The following DACH1 variants were observed in gnomAD, a reference collection of about 807,000 sequenced individuals.
The protein encoded by DACH1 is dachshund homolog 1.
In DACH1, 12 loss-of-function variants were observed where a neutral mutation model predicts 54.2. That is an observed-to-expected ratio of 0.22 (90% CI 0.14 to 0.36). The LOEUF is 0.36. Ranked by LOEUF, DACH1 falls within the 10% of genes least tolerant of loss-of-function variation. DACH1 has a pLI of 1.00. For synonymous variants in DACH1, 386 were observed against 366.2 expected (o/e 1.05, Z -0.62); for missense variants, 805 against 929.8 (o/e 0.87, Z 1.75).
chr13:71,688,014 G>A (rs1302876945), intron 1 of DACH1, among the ~76,000 whole-genome samples: 1 of 152,162 alleles, frequency 6.6e-6, no homozygotes, highest in East Asian at 1.9e-4. Context: ...ATTAGTGCCT[G>A]AAGTTTGCCT....
At chr13:71,664,151 T>C (rs970862403) in intron 2 of DACH1, among the ~76,000 whole-genome samples, 6 of 151,976 alleles carry the variant, frequency 3.9e-5, no homozygotes, top group Non-Finnish European at 5.9e-5. Context: ...ACCACTAGAA[T>C]TGTTCCCTTC....
chr13:71,560,000 A>G (rs1884489402), intron 4 of DACH1, 45 bp from the exon 5 acceptor site: 1 of 1,444,970 alleles, frequency 6.9e-7, no homozygotes, highest in East Asian at 2.6e-5. Context: ...GATGTTAAAT[A>G]CAACGGATCT....
chr13:71,525,518 G>C (rs1279786928), intron 6 of DACH1, among the ~76,000 whole-genome samples: 7 of 151,998 alleles, frequency 4.6e-5, no homozygotes, highest in Admixed American at 4.6e-4. Flanking sequence ...AACAAATAAA[G>C]AGTATGTGTA....
intron 3 of DACH1, among the ~76,000 whole-genome samples, chr13:71,616,309 G>A (rs1432448433): frequency 1.3e-5 from 2 of 152,166 alleles, no homozygotes; most frequent in Non-Finnish European, 2.9e-5. Flanking sequence ...ATGAACAGCT[G>A]GAGGCATGAA....
At chr13:71,646,153 T>C (rs982727559) in intron 2 of DACH1, among the ~76,000 whole-genome samples, 7 of 151,956 alleles carry the variant, frequency 4.6e-5, no homozygotes, top group African/African-American at 7.3e-5. Context: ...CTGGCCAACA[T>C]GGTAAAAGTC....
intron 10 of DACH1, among the ~76,000 whole-genome samples, chr13:71,462,078 C>A (rs996101070): frequency 2.6e-5 from 4 of 151,800 alleles, no homozygotes; most frequent in Non-Finnish European, 4.4e-5. Context: ...AAAGTCAGAT[C>A]CAATAATTTG....
In DACH1 at chr13:71,475,128, T is replaced by C. The variant is rs751749747; in HGVS notation, c.2083+13A>G. ...AGCAAGATCTAGATTTATAGCCTTCTGCAAATTCCTACCTTGTATTGTCCT... is the reference window on the plus strand; with the variant it reads ...AGCAAGATCTAGATTTATAGCCTTCCGCAAATTCCTACCTTGTATTGTCCT... On this transcript the variant is annotated intron_variant, in intron 10 of 10. Transcript: ENST00000613252. 6.2e-7 allele frequency: 1 copy of C among 1,612,784 alleles called. No homozygotes were observed. Among genetic ancestry groups the C allele is most frequent in the Non-Finnish European group, 8.5e-7 (1 of 1,178,910 alleles).
intron 1 of DACH1, among the ~76,000 whole-genome samples, chr13:71,709,355 A>C (rs1882603519): frequency 6.6e-6 from 1 of 152,130 alleles, no homozygotes; most frequent in African/African-American, 2.4e-5. Context: ...AAAACATTAA[A>C]TAGAAACTTC....
chr13:71,865,413 C>G (rs1352261196), intron 1 of DACH1, among the ~76,000 whole-genome samples: 1 of 152,148 alleles, frequency 6.6e-6, no homozygotes, highest in Non-Finnish European at 1.5e-5. Flanking sequence ...CCCCGCTCCC[C>G]GAGCCCTGCG....
At chr13:71,598,995 CT>C (rs1246682848) in intron 3 of DACH1, among the ~76,000 whole-genome samples, 6 of 152,106 alleles carry the variant, frequency 3.9e-5, no homozygotes, top group South Asian at 2.1e-4. Context: ...TCTTAGAGTT[CT>C]TCTTATATTT....
intron 9 of DACH1, 44 bp downstream of exon 9, chr13:71,475,661 CA>C: frequency 6.4e-7 from 1 of 1,571,382 alleles, no homozygotes; most frequent in Non-Finnish European, 8.6e-7. Context: ...GTCCTTTAAG[CA>C]TTAAAAATGA....
intron 1 of DACH1, among the ~76,000 whole-genome samples, chr13:71,857,819 G>C (rs552925790): frequency 6.6e-6 from 1 of 151,786 alleles, no homozygotes; most frequent in Non-Finnish European, 1.5e-5. Context: ...ACATAAAATA[G>C]AAAGTAATAC....
chr13:71,787,274 A>G (rs552444879), intron 1 of DACH1, among the ~76,000 whole-genome samples: 26 of 152,238 alleles, frequency 1.7e-4, no homozygotes, highest in Non-Finnish European at 3.5e-4. Flanking sequence ...TTTTTAAAAC[A>G]TAAAATCAAG....
intron 1 of DACH1, among the ~76,000 whole-genome samples, chr13:71,827,805 T>C (rs73503542): frequency 0.033 from 4,974 of 152,180 alleles, 254 homozygotes; most frequent in African/African-American, 0.11. Flanking sequence ...GGATTTCCTA[T>C]ATTCACAATT....
chr13:71,515,417 A>G (rs1881082657), intron 6 of DACH1, among the ~76,000 whole-genome samples: 1 of 151,922 alleles, frequency 6.6e-6, no homozygotes, highest in South Asian at 2.1e-4. Flanking sequence ...TTTTGTGATA[A>G]CATGTTAAAA....
intron 3 of DACH1, among the ~76,000 whole-genome samples, chr13:71,600,378 T>C (rs1593963990): frequency 6.6e-6 from 1 of 152,224 alleles, no homozygotes; most frequent in East Asian, 1.9e-4. Context: ...TTTCTAGTTT[T>C]TCACACTATA....
chr13:71,704,360 G>T, intron 1 of DACH1: 1 of 429,012 alleles, frequency 2.3e-6, no homozygotes, highest in Non-Finnish European at 4.5e-6. Context: ...TGGCAAAACT[G>T]GAAGAGTCTA....
intron 1 of DACH1, among the ~76,000 whole-genome samples, chr13:71,726,479 T>C (rs1883471473): frequency 6.6e-6 from 1 of 152,080 alleles, no homozygotes; most frequent in Admixed American, 6.5e-5. Context: ...ATTAAACAAA[T>C]TCTAAGTAAA....
At chr13:71,766,146 A>AC (rs1885619557) in intron 1 of DACH1, among the ~76,000 whole-genome samples, 1 of 152,136 alleles carries the variant, frequency 6.6e-6, no homozygotes, top group Non-Finnish European at 1.5e-5. Flanking sequence ...TCGGCCTCCC[A>AC]AAGTGCTGGG....
Sources: allele counts gnomAD v4.1 joint callset (sites outside exome capture counted in the v4.1 genomes callset), GRCh38; gene constraint gnomAD v4.1.1; transcripts MANE v1.5; gene names NCBI Gene and HGNC (gene_info 2026-07-23, HGNC 2026-07-21).